Variants in NDUFAF7 observed in about 807,000 individuals in gnomAD.
NDUFAF7 encodes the protein NADH:ubiquinone oxidoreductase complex assembly factor 7, also known as protein arginine methyltransferase NDUFAF7, mitochondrial.
Under a neutral mutation model 47.2 loss-of-function variants are expected in NDUFAF7, and 48 were observed. The ratio of observed to expected loss-of-function variants is 1.02; its 90% CI spans 0.81 to 1.29. The LOEUF is 1.29. NDUFAF7 is among the 50% of genes most tolerant of loss of function. The probability of loss-of-function intolerance (pLI) is 0.00; values close to 1 mark genes in which losing one functional copy is unlikely to be tolerated. For synonymous variants in NDUFAF7, 217 were observed against 190.0 expected, an observed-to-expected ratio of 1.14 and a Z score of -1.17; for missense variants, 635 against 537.6, an observed-to-expected ratio of 1.18 and a Z score of -1.79.
chr2:37,237,752 C>A lies in NDUFAF7; in HGVS notation c.298-5C>A. 1.9e-6 allele frequency: 3 copies of A among 1,558,996 alleles called. No individual in the cohort carries two copies. The highest frequency in any genetic ancestry group is 2.6e-6 in the Non-Finnish European group (3 of 1,133,278). ...AATATGTGTTTTTTTTTTCCCTTTT[C>A]ACAGCTACTAGGTATATGGTTCATT... On this transcript the variant is annotated splice_region_variant and splice_polypyrimidine_tract_variant and intron_variant, in intron 3 of 9. Coordinates refer to ENST00000002125, the MANE Select transcript of NDUFAF7 (RefSeq NM_144736.5).
the NDUFAF7 span, among the ~76,000 whole-genome samples, chr2:37,262,674 T>C: frequency 7.2e-6 from 1 of 137,972 alleles, no homozygotes; most frequent in Admixed American, 7.7e-5. Flanking sequence ...GCTGGCTCTA[T>C]GCTTTTTCCC....
At chr2:37,268,451 C>G in the NDUFAF7 span, 2 of 433,218 alleles carry the variant, frequency 4.6e-6, no homozygotes, top group South Asian at 3.4e-5. Flanking sequence ...TGTCACAATA[C>G]TAGGTGCTAG....
Position 37,242,784 on chromosome 2 carries a change from T to A in NDUFAF7, c.681+91T>A, listed in dbSNP as rs1221700971. On this transcript the variant is annotated intron_variant, in intron 6 of 9. Transcript: ENST00000002125. ...ATGGTATTTATTCAGTATACAAATT[T>A]TACTTGTTGAGGTTATTTTTAACTA... The A allele has an allele frequency of 1.4e-5, 14 of 1,020,904 alleles. No homozygotes were observed. In the South Asian group the frequency reaches 1.7e-4, roughly 13 times the overall value. The allele number at this position is 1,020,904 out of a possible 1,614,324, so 63.2% of individuals were successfully genotyped here.
chr2:37,239,769 A>T (rs1012234754), intron 4 of NDUFAF7, among the ~76,000 whole-genome samples: 1 of 152,222 alleles, frequency 6.6e-6, no homozygotes, highest in East Asian at 1.9e-4. Flanking sequence ...GATTGTATTT[A>T]TATAAAATCC....
chr2:37,252,847 T>TTATTTATATATA (rs1553362998), downstream of NDUFAF7: 1 of 145,014 alleles, frequency 6.9e-6, no homozygotes, highest in Admixed American at 7.0e-5. Context: ...ATATTTATAT[T>TTATTTATATATA]TATATATATA....
Position 37,238,951 on chromosome 2 carries a change from G to A in NDUFAF7, c.408+1084G>A, listed in dbSNP as rs1666079185. On this transcript the variant is annotated intron_variant, in intron 4 of 9. Coordinates refer to ENST00000002125, the MANE Select transcript of NDUFAF7 (RefSeq NM_144736.5). Reference sequence around the variant, plus strand: ...TAGTCACATTGGTAGTCAGGAAGATGAAAATTAAAATCACAATGAGATACT... The same window carrying A: ...TAGTCACATTGGTAGTCAGGAAGATAAAAATTAAAATCACAATGAGATACT... Among the ~76,000 whole-genome samples, 3 of 149,286 alleles carry A rather than the reference G, an allele frequency of 2.0e-5. No homozygotes were observed. The South Asian group carries it at 6.3e-4, about 31-fold the overall frequency.
At chr2:37,256,159 A>G (rs1446014544), downstream of NDUFAF7, among the ~76,000 whole-genome samples, 4 of 152,246 alleles carry the variant, frequency 2.6e-5, no homozygotes, top group Non-Finnish European at 5.9e-5. Context: ...AGACAAGGGA[A>G]AAACAGTCCC....
In NDUFAF7 at chr2:37,237,705, CT is replaced by C. The variant is rs529033702; in HGVS notation, c.298-48del. ...ATGTGAAATTTTATATTGTGGTATA[CT>C]TTTATACTTTATAATACTTTAATAT... is the stretch of plus-strand genomic sequence containing the variant. On this transcript the variant is annotated intron_variant, in intron 3 of 9. Transcript: ENST00000002125. 251 of 1,349,638 alleles carry C rather than the reference CT, an allele frequency of 1.9e-4. 4 individuals carry two copies. In the East Asian group the frequency reaches 6.0e-3, roughly 32 times the overall value. 83.6% of individuals were successfully genotyped at this position (1,349,638 alleles called of 1,614,324 possible).
chr2:37,246,131 TA>T lies in NDUFAF7; in HGVS notation c.874del (p.Thr292LeufsTer32), dbSNP rs1666874389. On this transcript the variant is annotated frameshift_variant, in exon 8 of 10. Transcript: ENST00000002125. LOFTEE classifies it high-confidence loss of function. Reference sequence around the variant, plus strand: ...GAGGAACTTTCTCAACGCATTGCATTAACTGGAGGTGCTGCACTGGTTGCTG... The same window carrying T: ...GAGGAACTTTCTCAACGCATTGCATTACTGGAGGTGCTGCACTGGTTGCTG... Reference protein sequence around the residue: ...IIEELSQRIALTGGAALVADY... With the variant: ...IIEELSQRIAXTGGAALVADY... 6.2e-6 allele frequency: 10 copies of T among 1,613,796 alleles called. No homozygotes were observed. Among genetic ancestry groups the T allele is most frequent in the Non-Finnish European group, 8.5e-6 (10 of 1,179,868 alleles).
chr2:37,256,549 A>C, downstream of NDUFAF7: 1 of 1,280,074 alleles, frequency 7.8e-7, no homozygotes, highest in Non-Finnish European at 1.0e-6. Flanking sequence ...TGAATGGGAG[A>C]TGTACTAAAA....
chr2:37,259,992 C>T, the NDUFAF7 span, among the ~76,000 whole-genome samples: 1 of 151,986 alleles, frequency 6.6e-6, no homozygotes, highest in African/African-American at 2.4e-5. Context: ...CGGTGAAACC[C>T]CAGCTCTACT....
At chr2:37,251,911 G>C (rs1435963343), downstream of NDUFAF7, 1 of 152,018 alleles carries the variant, frequency 6.6e-6, no homozygotes, top group Non-Finnish European at 1.5e-5. Context: ...TGATTACTGA[G>C]AAATGAAGAA....
chr2:37,246,209 A>G lies in NDUFAF7; in HGVS notation c.936+14A>G. 1.2e-6 allele frequency: 2 copies of G among 1,613,420 alleles called. No homozygotes were observed. The highest frequency in any genetic ancestry group is 1.7e-6 in the Non-Finnish European group (2 of 1,179,530). ...GATACCTTCAGAGTATGTATAATTC[A>G]GTAACATGATTTATCAGAATTTCAG... is the stretch of plus-strand genomic sequence containing the variant. On this transcript the variant is annotated intron_variant, in intron 8 of 9. Transcript: ENST00000002125.
chr2:37,241,615 A>T lies in NDUFAF7; in HGVS notation c.446A>T (p.Asp149Val), dbSNP rs1443983924. The T allele has an allele frequency of 6.2e-7, 1 of 1,613,820 alleles. No homozygotes were observed. Among genetic ancestry groups the T allele is most frequent in the East Asian group, 2.2e-5 (1 of 44,874 alleles). ...CTTGGATCTGTGCTGAAAAATTGTG[A>T]CATTTCAGTACATCTGGTAGAGGTA... ...TQLGSVLKNC[D>V]ISVHLVEVSQ... The change falls in exon 5 of 10, where the codon GAC becomes GTC. Residue 149 changes from aspartate (D) to valine (V), a missense_variant. Asp to Val is a radical substitution (Grantham distance 152). Coordinates refer to ENST00000002125, the MANE Select transcript of NDUFAF7 (RefSeq NM_144736.5).
chr2:37,269,270 A>C, the NDUFAF7 span: 59 of 226,094 alleles, frequency 2.6e-4, no homozygotes, highest in Non-Finnish European at 5.0e-4. Flanking sequence ...TTGTGTTGGA[A>C]AACTAGTAGG....
chr2:37,233,218 A>G (rs1485021881), intron 2 of NDUFAF7, among the ~76,000 whole-genome samples: 1 of 152,238 alleles, frequency 6.6e-6, no homozygotes, highest in East Asian at 1.9e-4. Flanking sequence ...TAAGACAGAC[A>G]GGACCAGGTT....
chr2:37,265,201 AGAT>A, the NDUFAF7 span, among the ~76,000 whole-genome samples: 2 of 152,140 alleles, frequency 1.3e-5, no homozygotes, highest in African/African-American at 4.8e-5. Context: ...GGAAAAGGAA[AGAT>A]GATACAGTTG....
chr2:37,260,150 TAAG>T, the NDUFAF7 span: 10 of 1,363,006 alleles, frequency 7.3e-6, no homozygotes, highest in Non-Finnish European at 1.0e-5. Context: ...GGTGACAGAG[TAAG>T]ACTCTTGTCT....
At chr2:37,267,356 A>C in the NDUFAF7 span, 1 of 1,100,710 alleles carries the variant, frequency 9.1e-7, no homozygotes, top group Non-Finnish European at 1.3e-6. Flanking sequence ...TAAAAAAAAA[A>C]AAAAAAGAGA....
Sources: gnomAD v4.1 joint callset for allele counts (sites outside exome capture counted in the v4.1 genomes callset) on GRCh38, gnomAD v4.1.1 for gene constraint, MANE v1.5 for transcripts, NCBI Gene and HGNC (gene_info 2026-07-23, HGNC 2026-07-21) for gene names.